The following CEP78 variants were observed in gnomAD, a reference collection of about 807,000 sequenced individuals.
CEP78 encodes centrosomal protein 78.
CEP78 carries 76 observed loss-of-function variants against 81.2 expected under a neutral mutation model. The ratio of observed to expected loss-of-function variants is 0.94; its 90% confidence interval spans 0.78 to 1.13. CEP78 has a LOEUF of 1.13. Ranked by LOEUF, CEP78 falls within the 50% of genes most tolerant of loss-of-function variation. CEP78 has a pLI of 0.00. For synonymous variants in CEP78, 293 were observed against 301.4 expected (o/e 0.97, Z 0.29); for missense variants, 918 against 846.8 (o/e 1.08, Z -1.04).
chr9:78,256,265 C>T (rs185848318), intron 11 of CEP78, among the ~76,000 whole-genome samples: 1 of 152,220 alleles, frequency 6.6e-6, no homozygotes, highest in East Asian at 1.9e-4. Context: ...AGGAAGGGAG[C>T]TAGAAATGTG....
chr9:78,257,357 A>G (rs575353842), intron 11 of CEP78, among the ~76,000 whole-genome samples: 41 of 152,322 alleles, frequency 2.7e-4, no homozygotes, highest in African/African-American at 8.9e-4. Flanking sequence ...CTGTCAATCT[A>G]AGTGGGGGCT....
chr9:78,237,306 A>G (rs17725778), intron 1 of CEP78, among the ~76,000 whole-genome samples: 48,367 of 151,874 alleles, frequency 0.32, 8,441 homozygotes, highest in Middle Eastern at 0.43. Context: ...AGGTGTATAT[A>G]AGAAGTTTGT....
intron 16 of CEP78, 48 bp downstream of exon 16, chr9:78,266,751 C>A: frequency 6.2e-7 from 1 of 1,604,474 alleles, no homozygotes; most frequent in South Asian, 1.1e-5. Flanking sequence ...TGGAAAGGAC[C>A]TGCATTCCTG....
At position 78,243,601 on chromosome 9, in the gene CEP78, T is replaced by C; in HGVS notation, c.743T>C (p.Phe248Ser). The C allele has an allele frequency of 6.2e-7, 1 of 1,613,806 alleles. No homozygotes were observed. Among genetic ancestry groups the C allele is most frequent in the Non-Finnish European group, 8.5e-7 (1 of 1,179,798 alleles). ...ATTGGTGACCTAGGTGCATGTGCTT[T>C]TGCAGACTCTCTCAGTGAGGATTTA... ...TLIGDLGACA[F>S]ADSLSEDLWL... The change falls in exon 5 of 17, where the codon TTT becomes TCT. Residue 248 changes from phenylalanine (F) to serine (S), a missense_variant. Physicochemically the swap from Phe to Ser is radical, Grantham distance 155. Transcript: ENST00000643273.
In CEP78 at chr9:78,276,753, A is replaced by G. The variant is rs957336175; in HGVS notation, c.*5902A>G. 1.3e-5 allele frequency: 2 copies of G among 152,216 alleles called. No homozygotes were observed. The highest frequency in any genetic ancestry group is 2.1e-4 in the South Asian group (1 of 4,832). 9.4% of individuals were successfully genotyped at this position (152,216 alleles called of 1,614,324 possible). ...CCTATATAAATAAAAGGATAAATCT[A>G]TGCTAGAGGGTATAAAAGAAACACA... is the stretch of plus-strand genomic sequence containing the variant. On this transcript the variant is annotated 3_prime_UTR_variant, in exon 17 of 17. Coordinates refer to ENST00000643273, the MANE Select transcript of CEP78 (RefSeq NM_001330691.3).
Position 78,236,119 on chromosome 9 carries a change from C to G in CEP78, c.-232C>G, listed in dbSNP as rs1172955012. On this transcript the variant is annotated 5_prime_UTR_variant, in exon 1 of 17. Coordinates refer to ENST00000643273, the MANE Select transcript of CEP78 (RefSeq NM_001330691.3). ...CAGAGGACTATGAGGCGGGCGCCAA[C>G]TGCTTGGGCCGCAGGGCGGGAGGCA... The G allele has an allele frequency of 5.6e-6, 3 of 535,990 alleles. No homozygotes were observed. The East Asian group carries it at 1.0e-4, about 18-fold the overall frequency. The allele number at this position is 535,990 out of a possible 1,614,324, so 33.2% of individuals were successfully genotyped here. A position where few individuals can be genotyped will look rare whatever the true frequency, so the allele number is the denominator to read the frequency against.
chr9:78,265,567 G>A, intron 14 of CEP78, 24 bp downstream of exon 14: 1 of 1,541,900 alleles, frequency 6.5e-7, no homozygotes, highest in Non-Finnish European at 8.8e-7. Flanking sequence ...ACAGAACTTA[G>A]TGATTCTACA....
In CEP78 at chr9:78,265,472, G is replaced by T; in HGVS notation, c.1726G>T (p.Glu576Ter). 6.3e-7 allele frequency: 1 copy of T among 1,593,566 alleles called. No homozygotes were observed. The highest frequency in any genetic ancestry group is 2.3e-5 in the East Asian group (1 of 44,326). The part of the protein sequence containing the change: ...TSTVSNPPKE[E>*]KKALEDEKPE... Reference sequence around the variant, plus strand: ...TACTGTTAGTAATCCACCTAAAGAAGAAAAGAAGGCGCTTGAAGATGAAAA... The same window carrying T: ...TACTGTTAGTAATCCACCTAAAGAATAAAAGAAGGCGCTTGAAGATGAAAA... The change falls in exon 14 of 17, where the codon GAA becomes TAA. Residue 576 changes from glutamate to a stop codon, truncating the protein, a stop_gained. Transcript: ENST00000643273. LOFTEE classifies it high-confidence loss of function.
At position 78,269,040 on chromosome 9, in the gene CEP78, G is replaced by C. The variant is rs1399510252; in HGVS notation, c.2108-1801G>C. Among the ~76,000 whole-genome samples, 3 of 152,172 alleles carry C rather than the reference G, an allele frequency of 2.0e-5. No individual in the cohort carries two copies. In the South Asian group the frequency reaches 6.2e-4, roughly 32 times the overall value. ...CTTCAAGACAGGCATATGGTATGCAGCCCTTCTCAAATATACTTGTTTATA... is the reference window on the plus strand; with the variant it reads ...CTTCAAGACAGGCATATGGTATGCACCCCTTCTCAAATATACTTGTTTATA... On this transcript the variant is annotated intron_variant, in intron 16 of 16. Transcript: ENST00000643273.
Position 78,236,119 on chromosome 9 carries a change from C to A in CEP78, c.-232C>A. On this transcript the variant is annotated 5_prime_UTR_variant, in exon 1 of 17. The change creates a new upstream start codon in the 5' untranslated region. Coordinates refer to ENST00000643273, the MANE Select transcript of CEP78 (RefSeq NM_001330691.3). Reference sequence around the variant, plus strand: ...CAGAGGACTATGAGGCGGGCGCCAACTGCTTGGGCCGCAGGGCGGGAGGCA... The same window carrying A: ...CAGAGGACTATGAGGCGGGCGCCAAATGCTTGGGCCGCAGGGCGGGAGGCA... 1 of 535,990 alleles carries A rather than the reference C, an allele frequency of 1.9e-6. No individual in the cohort carries two copies. Among genetic ancestry groups the A allele is most frequent in the Non-Finnish European group, 3.3e-6 (1 of 305,952 alleles). The allele number at this position is 535,990 out of a possible 1,614,324, so 33.2% of individuals were successfully genotyped here. A position where few individuals can be genotyped will look rare whatever the true frequency, so the allele number is the denominator to read the frequency against.
intron 11 of CEP78, among the ~76,000 whole-genome samples, chr9:78,256,436 A>G (rs1455037139): frequency 1.3e-5 from 2 of 151,674 alleles, no homozygotes; most frequent in African/African-American, 4.8e-5. Flanking sequence ...AGAAAAGGGT[A>G]GCTGAGAATA....
In CEP78 at chr9:78,270,862, G is replaced by A; in HGVS notation, c.*11G>A. 1.5e-6 allele frequency: 1 copy of A among 687,292 alleles called. No individual in the cohort carries two copies. The highest frequency in any genetic ancestry group is 2.7e-6 in the Non-Finnish European group (1 of 376,334). The allele number at this position is 687,292 out of a possible 1,614,324, so 42.6% of individuals were successfully genotyped here. A position where few individuals can be genotyped will look rare whatever the true frequency, so the allele number is the denominator to read the frequency against. On this transcript the variant is annotated 3_prime_UTR_variant, in exon 17 of 17. Transcript: ENST00000643273. ...CTAGAATCCCATTGAAATGACTGGAGAAATATTAAAATAAAAATAATAGCA... is the reference window on the plus strand; with the variant it reads ...CTAGAATCCCATTGAAATGACTGGAAAAATATTAAAATAAAAATAATAGCA...
chr9:78,270,375 T>C (rs1827664744), intron 16 of CEP78, among the ~76,000 whole-genome samples: 1 of 152,238 alleles, frequency 6.6e-6, no homozygotes, highest in African/African-American at 2.4e-5. Flanking sequence ...TGCAAGTAAT[T>C]GTTAAACTTT....
chr9:78,264,336 T>C lies in CEP78; in HGVS notation c.1625+20T>C, dbSNP rs1291179677. ...TGCTGGGTTAGTTACTTTCTCCCTA[T>C]GACATTCGTCCCTCCATGACTTTAA... On this transcript the variant is annotated intron_variant, in intron 13 of 16. Coordinates refer to ENST00000643273, the MANE Select transcript of CEP78 (RefSeq NM_001330691.3). The C allele has an allele frequency of 5.6e-6, 9 of 1,609,548 alleles. No homozygotes were observed. The highest frequency in any genetic ancestry group is 5.9e-6 in the Non-Finnish European group (7 of 1,176,956).
intron 3 of CEP78, 44 bp downstream of exon 3, chr9:78,240,408 T>C: frequency 1.4e-6 from 2 of 1,463,744 alleles, no homozygotes; most frequent in Middle Eastern, 3.4e-4. Context: ...CAGGCTGGTT[T>C]CATGTTTCCC....
intron 3 of CEP78, among the ~76,000 whole-genome samples, chr9:78,240,940 GC>G (rs1826198280): frequency 6.6e-6 from 1 of 151,798 alleles, no homozygotes; most frequent in South Asian, 2.1e-4. Context: ...TCTAGCCTGG[GC>G]GATAGAGCAA....
At chr9:78,245,218 A>G (rs1316036888) in intron 5 of CEP78, among the ~76,000 whole-genome samples, 1 of 151,922 alleles carries the variant, frequency 6.6e-6, no homozygotes, top group Non-Finnish European at 1.5e-5. Flanking sequence ...ACTCCATTAT[A>G]GAAGCATATA....
chr9:78,256,540 T>A (rs549306173), intron 11 of CEP78, among the ~76,000 whole-genome samples: 137 of 143,904 alleles, frequency 9.5e-4, no homozygotes, highest in South Asian at 3.3e-3. Context: ...TTTTTTTTTT[T>A]TTTTTTTTTT....
rs71360676 is a variant in CEP78 at position 78,236,969 on chromosome 9, CTTTTTTTTT to C, written c.253+387_253+395del. On this transcript the variant is annotated intron_variant, in intron 1 of 16. Coordinates refer to ENST00000643273, the MANE Select transcript of CEP78 (RefSeq NM_001330691.3). ...GAAATTAATACATGTCAGCCTTTGT[CTTTTTTTTT>C]TTTTTTTTTTTTTTTTTTTTGAGAC... Among the ~76,000 whole-genome samples the C allele has an allele frequency of 6.9e-4, 43 of 62,108 alleles. No individual in the cohort carries two copies. In the South Asian group the frequency reaches 7.7e-3, roughly 11 times the overall value. 40.7% of individuals were successfully genotyped at this position (62,108 alleles called of 152,430 possible). A position where few individuals can be genotyped will look rare whatever the true frequency, so the allele number is the denominator to read the frequency against.
Sources: allele counts gnomAD v4.1 joint callset (sites outside exome capture counted in the v4.1 genomes callset), GRCh38; gene constraint gnomAD v4.1.1; transcripts MANE v1.5; gene names NCBI Gene and HGNC (gene_info 2026-07-23, HGNC 2026-07-21).